The following CLIC5 variants were observed in gnomAD, a reference collection of about 807,000 sequenced individuals.
CLIC5 encodes CLIC family member 5.
A neutral mutation model predicts 24.7 loss-of-function variants in CLIC5; 20 were observed. The observed-to-expected ratio is 0.81, with a 90% CI of 0.57 to 1.18. CLIC5 has a LOEUF of 1.18. CLIC5 is among the 50% of genes most tolerant of loss of function. The pLI is 0.00. For synonymous variants in CLIC5, 159 were observed against 135.6 expected, an observed-to-expected ratio of 1.17 and a Z score of -1.20; for missense variants, 341 against 326.1, an observed-to-expected ratio of 1.05 and a Z score of -0.35.
At chr6:46,059,458 T>G (rs1327719939) in intron 1 of CLIC5, among the ~76,000 whole-genome samples, 1 of 152,252 alleles carries the variant, frequency 6.6e-6, no homozygotes, top group Non-Finnish European at 1.5e-5. Flanking sequence ...GCAGGAAGTT[T>G]TGCCTCTTTC....
the CLIC5 span, among the ~76,000 whole-genome samples, chr6:46,091,573 G>T: frequency 1.3e-5 from 2 of 152,226 alleles, no homozygotes; most frequent in South Asian, 2.1e-4. Flanking sequence ...TCTCTGCAAA[G>T]ATTAAAAAAT....
intron 1 of CLIC5, among the ~76,000 whole-genome samples, chr6:46,032,034 C>G (rs1767518862): frequency 6.6e-6 from 1 of 151,486 alleles, no homozygotes; most frequent in Non-Finnish European, 1.5e-5. Flanking sequence ...GTGTATTAGT[C>G]CATTCTTGGA....
intron 1 of CLIC5, among the ~76,000 whole-genome samples, chr6:45,992,347 A>G (rs1330193244): frequency 1.3e-5 from 2 of 152,156 alleles, no homozygotes; most frequent in Non-Finnish European, 2.9e-5. Context: ...GCGAATGTGT[A>G]CTCTCTGTGT....
At chr6:46,124,904 G>A in the CLIC5 span, among the ~76,000 whole-genome samples, 149 of 152,196 alleles carry the variant, frequency 9.8e-4, no homozygotes, top group African/African-American at 3.1e-3. Context: ...TTAGAATGGC[G>A]ATCATTAAAA....
At chr6:45,953,027 C>A (rs570422096) in intron 2 of CLIC5, among the ~76,000 whole-genome samples, 2 of 152,068 alleles carry the variant, frequency 1.3e-5, no homozygotes, top group African/African-American at 4.8e-5. Flanking sequence ...TCCAGTCTGT[C>A]CTTGAGGGAT....
chr6:45,927,147 T>G (rs1434888222), intron 4 of CLIC5, among the ~76,000 whole-genome samples: 2 of 147,746 alleles, frequency 1.4e-5, no homozygotes, highest in Non-Finnish European at 3.0e-5. Flanking sequence ...TAGAGGTGTG[T>G]TGAAGTGTTT....
chr6:46,002,670 G>A (rs1321689470), intron 1 of CLIC5, among the ~76,000 whole-genome samples: 2 of 152,176 alleles, frequency 1.3e-5, no homozygotes. Context: ...TTAAAAGGAC[G>A]TCTAAGAAAC....
At chr6:45,985,296 T>G (rs1238018585) in intron 1 of CLIC5, among the ~76,000 whole-genome samples, 1 of 152,174 alleles carries the variant, frequency 6.6e-6, no homozygotes, top group African/African-American at 2.4e-5. Context: ...CATGAAGCAA[T>G]TCATTCTACC....
chr6:45,945,917 G>A (rs548549276), intron 3 of CLIC5, among the ~76,000 whole-genome samples: 70 of 152,350 alleles, frequency 4.6e-4, no homozygotes, highest in African/African-American at 1.6e-3. Flanking sequence ...GACATGCTGT[G>A]TAAATAGACT....
At chr6:46,053,799 G>A (rs1768172000) in intron 1 of CLIC5, among the ~76,000 whole-genome samples, 1 of 152,132 alleles carries the variant, frequency 6.6e-6, no homozygotes, top group African/African-American at 2.4e-5. Flanking sequence ...AGTTTGACGA[G>A]AACTTTACCC....
At chr6:45,980,821 C>T (rs1765544808) in intron 1 of CLIC5, among the ~76,000 whole-genome samples, 1 of 152,098 alleles carries the variant, frequency 6.6e-6, no homozygotes, top group South Asian at 2.1e-4. Flanking sequence ...TTCATCTTCT[C>T]CAAGAAATTG....
intron 5 of CLIC5, among the ~76,000 whole-genome samples, chr6:45,905,138 C>T (rs888681265): frequency 1.3e-5 from 2 of 152,104 alleles, no homozygotes; most frequent in African/African-American, 2.4e-5. Context: ...GATGGGCACC[C>T]AGGTTGATTT....
At chr6:45,896,872 C>T (rs56178742), downstream of CLIC5, among the ~76,000 whole-genome samples, 46,160 of 151,872 alleles carry the variant, frequency 0.3, 7,890 homozygotes, top group East Asian at 0.45. Flanking sequence ...GCCTGGGACG[C>T]CTCCTGGGTG....
chr6:45,903,922 G>C (rs1257224010), intron 5 of CLIC5, among the ~76,000 whole-genome samples: 1 of 152,158 alleles, frequency 6.6e-6, no homozygotes, highest in Non-Finnish European at 1.5e-5. Flanking sequence ...AAGCAAGTTA[G>C]ATATTGGAAT....
chr6:46,031,868 T>C (rs747359176), intron 1 of CLIC5, among the ~76,000 whole-genome samples: 5 of 148,414 alleles, frequency 3.4e-5, no homozygotes, highest in South Asian at 2.1e-4. Context: ...TATACACATA[T>C]ATATATAACA....
At chr6:46,093,896 G>A in the CLIC5 span, among the ~76,000 whole-genome samples, 1 of 152,144 alleles carries the variant, frequency 6.6e-6, no homozygotes, top group African/African-American at 2.4e-5. Context: ...CCTGACACCA[G>A]GTAATTTAGA....
intron 1 of CLIC5, among the ~76,000 whole-genome samples, chr6:46,076,296 C>T (rs1762768116): frequency 6.6e-6 from 1 of 152,224 alleles, no homozygotes; most frequent in Non-Finnish European, 1.5e-5. Context: ...CACTCTCCAT[C>T]CGCCAAATAT....
the CLIC5 span, among the ~76,000 whole-genome samples, chr6:46,125,815 T>C: frequency 1.0e-3 from 158 of 152,226 alleles, no homozygotes; most frequent in Non-Finnish European, 2.0e-3. Context: ...AATAGGTAGA[T>C]TATCAACAAT....
intron 4 of CLIC5, among the ~76,000 whole-genome samples, chr6:45,919,513 T>C (rs75273486): frequency 0.021 from 3,161 of 151,700 alleles, 116 homozygotes; most frequent in African/African-American, 0.073. Flanking sequence ...TCCTTTCTTC[T>C]TCATCCCCAA....
Sources: gnomAD v4.1 joint callset for allele counts (sites outside exome capture counted in the v4.1 genomes callset) on GRCh38, gnomAD v4.1.1 for gene constraint, MANE v1.5 for transcripts, NCBI Gene and HGNC (gene_info 2026-07-23, HGNC 2026-07-21) for gene names.